The following EXD3 variants were observed in gnomAD, a reference collection of about 807,000 sequenced individuals.
The protein encoded by EXD3 is exonuclease mut-7 homolog.
EXD3 carries 92 observed loss-of-function variants against 98.0 expected under a neutral mutation model. The ratio of observed to expected loss-of-function variants is 0.94; its 90% CI spans 0.79 to 1.12. EXD3 has a LOEUF of 1.12. Ranked by LOEUF, EXD3 falls within the 50% of genes most tolerant of loss-of-function variation. The pLI is 0.00. For missense variants in EXD3, 1,222 were observed against 1,191.6 expected (o/e 1.03, Z -0.38); for synonymous variants, 569 against 526.0 (o/e 1.08, Z -1.12).
chr9:137,358,620 C>T (rs1834907754), intron 7 of EXD3, among the ~76,000 whole-genome samples: 1 of 152,186 alleles, frequency 6.6e-6, no homozygotes, highest in African/African-American at 2.4e-5. Flanking sequence ...CATTTTAAAG[C>T]AAAGAGGCAA....
chr9:137,345,295 G>T (rs1489170094), intron 17 of EXD3, among the ~76,000 whole-genome samples: 1 of 152,246 alleles, frequency 6.6e-6, no homozygotes, highest in East Asian at 1.9e-4. Flanking sequence ...TATGGAAAAT[G>T]AAACTCAAGG....
intron 10 of EXD3, chr9:137,354,077 G>C (rs1229185480): frequency 7.3e-6 from 9 of 1,234,348 alleles, no homozygotes; most frequent in Non-Finnish European, 9.1e-6. Context: ...CGCTGGGTTG[G>C]TTCGGGTGGC....
intron 10 of EXD3, chr9:137,353,551 G>T: frequency 1.8e-5 from 18 of 986,134 alleles, no homozygotes; most frequent in Non-Finnish European, 2.0e-5. Flanking sequence ...AATGACCAAG[G>T]GGGTCCTGAG....
intron 12 of EXD3, among the ~76,000 whole-genome samples, chr9:137,351,805 G>A (rs998930676): frequency 6.6e-6 from 1 of 152,234 alleles, no homozygotes; most frequent in South Asian, 2.1e-4. Context: ...GGCACCCCAC[G>A]TCTCGGGCAC....
intron 16 of EXD3, 135 bp downstream of exon 16, chr9:137,348,975 C>T (rs1014615102): frequency 1.8e-5 from 20 of 1,102,192 alleles, no homozygotes; most frequent in Admixed American, 8.8e-5. Flanking sequence ...CTTTGCTCCC[C>T]TCTCGCTCCA....
At chr9:137,410,728 GC>G (rs1313514742) in intron 1 of EXD3, among the ~76,000 whole-genome samples, 2 of 152,136 alleles carry the variant, frequency 1.3e-5, no homozygotes, top group Non-Finnish European at 2.9e-5. Context: ...GGGCGGCCTG[GC>G]ATGGAGGAGG....
At chr9:137,364,763 G>T (rs1835137033) in intron 7 of EXD3, among the ~76,000 whole-genome samples, 1 of 136,764 alleles carries the variant, frequency 7.3e-6, no homozygotes, top group African/African-American at 2.7e-5. Context: ...TCACTGTTTT[G>T]TTCTATGTTT....
chr9:137,333,306 T>C (rs1336178017), intron 17 of EXD3, among the ~76,000 whole-genome samples: 1 of 152,192 alleles, frequency 6.6e-6, no homozygotes, highest in Admixed American at 6.5e-5. Flanking sequence ...CACCACTGGC[T>C]TCCTGGCTCC....
chr9:137,343,613 G>C (rs1297342395), intron 17 of EXD3: 1 of 28,486 alleles, frequency 3.5e-5, no homozygotes, highest in African/African-American at 2.1e-4. Flanking sequence ...TTTTGAGACG[G>C]AGTCTCGCTC....
intron 2 of EXD3, among the ~76,000 whole-genome samples, chr9:137,389,845 G>A (rs1014523414): frequency 2.0e-5 from 3 of 152,138 alleles, no homozygotes; most frequent in African/African-American, 4.8e-5. Context: ...TAACAGACCC[G>A]GCACAGTGGC....
chr9:137,328,216 A>G (rs1015525452), intron 17 of EXD3, among the ~76,000 whole-genome samples: 1 of 151,428 alleles, frequency 6.6e-6, no homozygotes, highest in African/African-American at 2.4e-5. Flanking sequence ...CTCCCATATG[A>G]TGAGTAAAAA....
chr9:137,376,343 C>CAAAAAAAAAAAAAA, intron 3 of EXD3, among the ~76,000 whole-genome samples: 1 of 39,960 alleles, frequency 2.5e-5, no homozygotes, highest in Non-Finnish European at 5.0e-5. Context: ...GACTCTGTCT[C>CAAAAAAAAAAAAAA]AAAAAAAAAA....
At chr9:137,423,030 C>T (rs1162114678) in intron 1 of EXD3, 84 bp downstream of exon 1, 1 of 152,028 alleles carries the variant, frequency 6.6e-6, no homozygotes, top group Non-Finnish European at 1.5e-5. Flanking sequence ...CGGCCCTCAC[C>T]TCAGGACGCG....
rs891010396 is a variant in EXD3, at chr9:137,403,189, T to C, written c.-47-7785A>G. ...GGCAGTGTGGGGACTGCTATGCATA[T>C]CTGAAAGTGAGGCACTAGTCATCTG... On this transcript the variant is annotated intron_variant, in intron 1 of 21. Coordinates refer to ENST00000340951, the MANE Select transcript of EXD3 (RefSeq NM_017820.5). This position sits in a 1 kb window ranked among gnomAD's most constrained non-coding sequence, Gnocchi z 6.1. Among the ~76,000 whole-genome samples, 1 of 151,712 alleles carries C rather than the reference T, an allele frequency of 6.6e-6. No individual in the cohort carries two copies. The highest frequency in any genetic ancestry group is 1.5e-5 in the Non-Finnish European group (1 of 67,956).
chr9:137,308,183 G>A (rs907125636), intron 20 of EXD3, among the ~76,000 whole-genome samples: 41 of 152,314 alleles, frequency 2.7e-4, no homozygotes, highest in African/African-American at 8.9e-4. Flanking sequence ...TCACTGTGGG[G>A]CTGAGTGCAC....
At chr9:137,418,833 T>C (rs75325809) in intron 1 of EXD3, among the ~76,000 whole-genome samples, 1,914 of 152,222 alleles carry the variant, frequency 0.013, 43 homozygotes, top group African/African-American at 0.043. Flanking sequence ...AGTAGGTCTA[T>C]TGATTGCTTG....
At chr9:137,368,479 C>T (rs920837106) in intron 5 of EXD3, among the ~76,000 whole-genome samples, 25 of 152,174 alleles carry the variant, frequency 1.6e-4, no homozygotes, top group African/African-American at 5.8e-4. Flanking sequence ...TCCCACGAGG[C>T]GGAGACGGGC....
rs565349882 is a variant in EXD3 at position 137,309,841 on chromosome 9, C to T, written c.2185-141G>A. The T allele has an allele frequency of 9.6e-5, 63 of 655,226 alleles. No individual in the cohort carries two copies. The East Asian group carries it at 1.2e-3, about 12-fold the overall frequency. 40.6% of individuals were successfully genotyped at this position (655,226 alleles called of 1,614,324 possible). Reference sequence around the variant, plus strand: ...GATAATGGGTCCCCTCCTGTCCCCACGCATAGTCCTGTGGGGTTCAGGCCA... The same window carrying T: ...GATAATGGGTCCCCTCCTGTCCCCATGCATAGTCCTGTGGGGTTCAGGCCA... On this transcript the variant is annotated intron_variant, in intron 19 of 21. Coordinates refer to ENST00000340951, the MANE Select transcript of EXD3 (RefSeq NM_017820.5).
At chr9:137,325,263 G>A (rs76664443) in intron 17 of EXD3, among the ~76,000 whole-genome samples, 3,045 of 152,190 alleles carry the variant, frequency 0.02, 100 homozygotes, top group East Asian at 0.15. Flanking sequence ...AGGCCGGAGC[G>A]TCTAGATGCT....
Sources: gnomAD v4.1 joint callset for allele counts (sites outside exome capture counted in the v4.1 genomes callset) on GRCh38, gnomAD v4.1.1 for gene constraint, Gnocchi (gnomAD v3.1) non-coding constraint, MANE v1.5 for transcripts, NCBI Gene and HGNC (gene_info 2026-07-23, HGNC 2026-07-21) for gene names.